The following CNTN5 variants were observed in gnomAD, a reference collection of about 807,000 sequenced individuals.
CNTN5 encodes the protein contactin 5.
CNTN5 carries 77 observed loss-of-function variants against 129.1 expected under a neutral mutation model. The observed-to-expected ratio is 0.60, with a 90% CI of 0.50 to 0.72. CNTN5 has a LOEUF of 0.72. CNTN5 is among the 30% of genes least tolerant of loss of function. The probability of loss-of-function intolerance (pLI) is 0.00; values close to 1 mark genes in which losing one functional copy is unlikely to be tolerated. For synonymous variants in CNTN5, 509 were observed against 465.6 expected (o/e 1.09, Z -1.20); for missense variants, 1,478 against 1,328.8 (o/e 1.11, Z -1.75).
chr11:100,319,727 T>G (rs550159159), intron 21 of CNTN5, among the ~76,000 whole-genome samples: 54 of 152,278 alleles, frequency 3.5e-4, no homozygotes, highest in African/African-American at 1.1e-3. Context: ...ATTCTCACCC[T>G]GATAAACACC....
chr11:99,379,074 A>G (rs11219680), intron 2 of CNTN5, among the ~76,000 whole-genome samples: 34,070 of 151,566 alleles, frequency 0.22, 3,779 homozygotes, highest in South Asian at 0.32. Flanking sequence ...TCTAGTCTGT[A>G]TTTATGGTTT....
intron 1 of CNTN5, among the ~76,000 whole-genome samples, chr11:99,314,101 A>C (rs565768685): frequency 6.6e-6 from 1 of 151,870 alleles, no homozygotes; most frequent in African/African-American, 2.4e-5. Flanking sequence ...AAATTTCAAT[A>C]TCCCAATAGT....
intron 8 of CNTN5, among the ~76,000 whole-genome samples, chr11:99,992,239 G>A (rs1381187968): frequency 6.6e-6 from 1 of 152,152 alleles, no homozygotes; most frequent in Non-Finnish European, 1.5e-5. Flanking sequence ...AGACAGAATG[G>A]CCATTTGAAA....
intron 15 of CNTN5, among the ~76,000 whole-genome samples, chr11:100,202,456 T>C (rs1315326724): frequency 1.3e-5 from 2 of 151,554 alleles, no homozygotes; most frequent in African/African-American, 4.8e-5. Context: ...TGAGATCCAA[T>C]TTTCAAGTAT....
chr11:99,611,166 T>C, intron 3 of CNTN5, among the ~76,000 whole-genome samples: 1 of 152,206 alleles, frequency 6.6e-6, no homozygotes, highest in East Asian at 1.9e-4. Context: ...TGTACCTTCA[T>C]ACATCAAAAA....
intron 2 of CNTN5, among the ~76,000 whole-genome samples, chr11:99,435,552 A>G (rs1943566011): frequency 6.6e-6 from 1 of 152,210 alleles, no homozygotes; most frequent in South Asian, 2.1e-4. Flanking sequence ...ATCTGGTTAC[A>G]TGCATCTACT....
chr11:99,874,796 G>T (rs1455883182), intron 6 of CNTN5, among the ~76,000 whole-genome samples: 1 of 152,082 alleles, frequency 6.6e-6, no homozygotes, highest in South Asian at 2.1e-4. Flanking sequence ...TAAATACATT[G>T]ATAGATTTGC....
chr11:99,094,328 C>A (rs1866381011), intron 1 of CNTN5, among the ~76,000 whole-genome samples: 1 of 151,956 alleles, frequency 6.6e-6, no homozygotes, highest in Non-Finnish European at 1.5e-5. Context: ...TTGATTCAGT[C>A]TGAGGGAACT....
chr11:100,001,879 A>G (rs183192221), intron 8 of CNTN5, among the ~76,000 whole-genome samples, 155 bp from the exon 9 acceptor site: 3 of 152,330 alleles, frequency 2.0e-5, no homozygotes, highest in East Asian at 3.9e-4. Context: ...GATAGAGCCT[A>G]AGTGTACTAC....
intron 8 of CNTN5, among the ~76,000 whole-genome samples, chr11:100,000,627 C>T (rs1340530621): frequency 6.6e-6 from 1 of 152,178 alleles, no homozygotes; most frequent in East Asian, 1.9e-4. Flanking sequence ...CTCCAGTAAA[C>T]AATACCCCAG....
chr11:99,364,796 A>G (rs1939341588), intron 2 of CNTN5, among the ~76,000 whole-genome samples: 1 of 152,118 alleles, frequency 6.6e-6, no homozygotes, highest in Non-Finnish European at 1.5e-5. Flanking sequence ...TGACCTTGGC[A>G]GGAGTTAAGT....
intron 2 of CNTN5, among the ~76,000 whole-genome samples, chr11:99,522,838 T>C (rs924109038): frequency 6.6e-6 from 1 of 152,190 alleles, no homozygotes; most frequent in Non-Finnish European, 1.5e-5. Flanking sequence ...TTAACTCCTC[T>C]CCTTGTAACT....
chr11:99,191,576 A>G (rs1254682647), intron 1 of CNTN5, among the ~76,000 whole-genome samples: 2 of 151,824 alleles, frequency 1.3e-5, no homozygotes, highest in African/African-American at 2.4e-5. Context: ...GCCATGCAAT[A>G]AAATGTTACA....
chr11:99,747,410 G>A (rs1944088078), intron 3 of CNTN5, among the ~76,000 whole-genome samples: 1 of 148,944 alleles, frequency 6.7e-6, no homozygotes, highest in Admixed American at 6.7e-5. Flanking sequence ...TCTTTTCCTT[G>A]CCTAGCCTGG....
At chr11:99,451,599 G>A (rs1178760343) in intron 2 of CNTN5, among the ~76,000 whole-genome samples, 1 of 152,130 alleles carries the variant, frequency 6.6e-6, no homozygotes, top group Non-Finnish European at 1.5e-5. Context: ...ATGTTAGAAA[G>A]CATCATAAGA....
intron 21 of CNTN5, among the ~76,000 whole-genome samples, chr11:100,311,610 G>C (rs1359308961): frequency 6.6e-6 from 1 of 151,978 alleles, no homozygotes; most frequent in East Asian, 1.9e-4. Context: ...ATAAAGGAGA[G>C]GAGAGGGTCT....
At chr11:99,864,528 A>C (rs1175339157) in intron 6 of CNTN5, among the ~76,000 whole-genome samples, 2 of 152,020 alleles carry the variant, frequency 1.3e-5, no homozygotes, top group Admixed American at 6.6e-5. Context: ...CGATTCCACA[A>C]ACCCACTTGC....
intron 6 of CNTN5, among the ~76,000 whole-genome samples, chr11:99,887,481 G>T (rs1374942551): frequency 2.0e-5 from 3 of 152,106 alleles, no homozygotes; most frequent in Non-Finnish European, 4.4e-5. Context: ...GTTCTCTAGA[G>T]GGACAGAACT....
intron 10 of CNTN5, among the ~76,000 whole-genome samples, chr11:100,062,686 A>C (rs1943531890): frequency 6.6e-6 from 1 of 152,204 alleles, no homozygotes; most frequent in African/African-American, 2.4e-5. Flanking sequence ...TTGGTAACTT[A>C]AGAGCTAAAC....
Sources: allele counts gnomAD v4.1 joint callset (sites outside exome capture counted in the v4.1 genomes callset), GRCh38; gene constraint gnomAD v4.1.1; transcripts MANE v1.5; gene names NCBI Gene and HGNC (gene_info 2026-07-23, HGNC 2026-07-21).